C1QTNF2: variants seen among roughly 807,000 people sequenced by gnomAD.
C1QTNF2 encodes the protein complement C1q tumor necrosis factor-related protein 2.
In C1QTNF2, 15 loss-of-function variants were observed where a neutral mutation model predicts 17.4. The observed-to-expected ratio is 0.86, with a 90% CI of 0.58 to 1.33. The LOEUF (loss-of-function observed/expected upper bound fraction) is 1.33. Ranked by LOEUF, C1QTNF2 falls within the 40% of genes most tolerant of loss-of-function variation. C1QTNF2 has a pLI of 0.00. For synonymous variants in C1QTNF2, 154 were observed against 163.3 expected, an observed-to-expected ratio of 0.94 and a Z score of 0.44; for missense variants, 381 against 392.3, an observed-to-expected ratio of 0.97 and a Z score of 0.24.
Position 160,349,592 on chromosome 5 carries a change from C to CT in C1QTNF2, c.433dup (p.Ser145LysfsTer26), listed in dbSNP as rs1420608513. ...CGAGAAAGCTGACTTGGTATGGCCACTGCCACAGCTGCAGGGGCCTGGGAG... is the reference window on the plus strand; with the variant it reads ...CGAGAAAGCTGACTTGGTATGGCCACTTGCCACAGCTGCAGGGGCCTGGGAG... On this transcript the variant is annotated frameshift_variant, in exon 3 of 3. Coordinates refer to ENST00000652664, the MANE Select transcript of C1QTNF2 (RefSeq NM_031908.6). LOFTEE classifies it high-confidence loss of function. The surrounding 1 kb of genome is among the most constrained non-coding windows in gnomAD (Gnocchi z 4.3). The CT allele has an allele frequency of 2.5e-6, 4 of 1,613,612 alleles. No homozygotes were observed. The highest frequency in any genetic ancestry group is 1.3e-5 in the African/African-American group (1 of 74,928).
Position 160,349,854 on chromosome 5 carries a change from C to T in C1QTNF2, c.245-73G>A. On this transcript the variant is annotated intron_variant, in intron 2 of 2. Transcript: ENST00000652664. The surrounding 1 kb of genome is among the most constrained non-coding windows in gnomAD (Gnocchi z 4.3). ...GCAGAGGGGTGCGGTGCGGCTTGGTCTTCCAATCTTGGAGAAGGAGTGCTT... is the reference window on the plus strand; with the variant it reads ...GCAGAGGGGTGCGGTGCGGCTTGGTTTTCCAATCTTGGAGAAGGAGTGCTT... The T allele has an allele frequency of 6.8e-7, 1 of 1,472,676 alleles. No individual in the cohort carries two copies. Among genetic ancestry groups the T allele is most frequent in the Non-Finnish European group, 8.9e-7 (1 of 1,117,594 alleles). The allele number at this position is 1,472,676 out of a possible 1,614,324, so 91.2% of individuals were successfully genotyped here.
chr5:160,351,781 A>G (rs1334219437), intron 2 of C1QTNF2, among the ~76,000 whole-genome samples: 8 of 152,178 alleles, frequency 5.3e-5, no homozygotes, highest in Non-Finnish European at 1.2e-4. Context: ...TATTACTCAT[A>G]TAATTAAAAA....
At chr5:160,361,183 A>G (rs746327013) in intron 1 of C1QTNF2, among the ~76,000 whole-genome samples, 1 of 152,138 alleles carries the variant, frequency 6.6e-6, no homozygotes, top group Non-Finnish European at 1.5e-5. Context: ...ATCAATACAC[A>G]TGTTCTAGAA....
intron 2 of C1QTNF2, among the ~76,000 whole-genome samples, chr5:160,354,321 T>C (rs1349945573): frequency 6.6e-6 from 1 of 152,006 alleles, no homozygotes. Context: ...CCCATGCCTG[T>C]AATCCCAGCA....
intron 2 of C1QTNF2, among the ~76,000 whole-genome samples, 170 bp downstream of exon 2, chr5:160,354,598 G>GTATATA (rs1172776724): frequency 0.052 from 1,564 of 30,358 alleles, 55 homozygotes; most frequent in South Asian, 0.07. Flanking sequence ...AAAAAAAAAA[G>GTATATA]TATATATATA....
At chr5:160,358,625 C>T (rs1249993359) in intron 1 of C1QTNF2, among the ~76,000 whole-genome samples, 2 of 151,916 alleles carry the variant, frequency 1.3e-5, no homozygotes, top group African/African-American at 2.4e-5. Context: ...TGTGCCACCA[C>T]TCTCAGCTAG....
At chr5:160,366,337 G>T (rs140888667) in intron 1 of C1QTNF2, among the ~76,000 whole-genome samples, 1 of 152,286 alleles carries the variant, frequency 6.6e-6, no homozygotes, top group African/African-American at 2.4e-5. Context: ...TATTTAATGA[G>T]ATAATGCAGC....
chr5:160,359,695 G>A (rs1019603923), intron 1 of C1QTNF2, among the ~76,000 whole-genome samples: 14 of 152,200 alleles, frequency 9.2e-5, no homozygotes, highest in African/African-American at 2.9e-4. Context: ...AAGGTGATGA[G>A]AGGCGTGGAG....
chr5:160,355,712 C>G (rs60965415), intron 1 of C1QTNF2, among the ~76,000 whole-genome samples: 5,343 of 152,326 alleles, frequency 0.035, 307 homozygotes, highest in African/African-American at 0.12. Flanking sequence ...CTTTTCCAAC[C>G]CGGGGCCTGT....
intron 1 of C1QTNF2, among the ~76,000 whole-genome samples, chr5:160,362,255 G>T (rs1764167783): frequency 1.3e-5 from 2 of 152,130 alleles, no homozygotes; most frequent in African/African-American, 4.8e-5. Context: ...TTTCACCTAG[G>T]ACCTCTTTAT....
chr5:160,361,555 A>G (rs1764154486), intron 1 of C1QTNF2, among the ~76,000 whole-genome samples: 1 of 152,208 alleles, frequency 6.6e-6, no homozygotes, highest in African/African-American at 2.4e-5. Flanking sequence ...GCCATGGAAC[A>G]CCCAGCACTT....
Position 160,347,834 on chromosome 5 carries a change from A to G in C1QTNF2, c.*1334T>C, listed in dbSNP as rs1173310548. The G allele has an allele frequency of 6.6e-6, 1 of 150,558 alleles. No individual in the cohort carries two copies. The highest frequency in any genetic ancestry group is 1.5e-5 in the Non-Finnish European group (1 of 67,826). 9.3% of individuals were successfully genotyped at this position (150,558 alleles called of 1,614,324 possible). A position where few individuals can be genotyped will look rare whatever the true frequency, so the allele number is the denominator to read the frequency against. On this transcript the variant is annotated 3_prime_UTR_variant, in exon 3 of 3. Coordinates refer to ENST00000652664, the MANE Select transcript of C1QTNF2 (RefSeq NM_031908.6). ...GAGTGCAGTGGCAGGATCTCAGCTA[A>G]CTGCAACCTCCACCTCCTGGGTTCA...
At position 160,349,697 on chromosome 5, in the gene C1QTNF2, G is replaced by A; in HGVS notation, c.329C>T (p.Pro110Leu). The A allele has an allele frequency of 6.3e-7, 1 of 1,595,780 alleles. No individual in the cohort carries two copies. The highest frequency in any genetic ancestry group is 8.5e-7 in the Non-Finnish European group (1 of 1,173,460). ...GAIGRAGPRG[P>L]KGVNGTPGKH... Reference sequence around the variant, plus strand: ...CCCGGGGGTACCGTTGACCCCCTTGGGGCCACGGGGGCCAGCCCGCCCAAT... The same window carrying A: ...CCCGGGGGTACCGTTGACCCCCTTGAGGCCACGGGGGCCAGCCCGCCCAAT... The change falls in exon 3 of 3, where the codon CCC (proline) becomes CTC (leucine). Residue 110 changes from proline to leucine, a missense_variant. Coordinates refer to ENST00000652664, the MANE Select transcript of C1QTNF2 (RefSeq NM_031908.6). This position sits in a 1 kb window ranked among gnomAD's most constrained non-coding sequence, Gnocchi z 4.3.
chr5:160,362,068 T>A (rs1764165086), intron 1 of C1QTNF2, among the ~76,000 whole-genome samples: 1 of 152,158 alleles, frequency 6.6e-6, no homozygotes, highest in Non-Finnish European at 1.5e-5. Flanking sequence ...TAACCTTGAA[T>A]GAACTGGCCG....
At chr5:160,358,206 T>C (rs1764087236) in intron 1 of C1QTNF2, among the ~76,000 whole-genome samples, 1 of 152,206 alleles carries the variant, frequency 6.6e-6, no homozygotes, top group Non-Finnish European at 1.5e-5. Context: ...AGCCAGGAAC[T>C]GTTTTGGAAA....
intron 2 of C1QTNF2, among the ~76,000 whole-genome samples, chr5:160,353,623 T>C (rs1177054687): frequency 2.6e-5 from 4 of 152,044 alleles, no homozygotes. Context: ...AGATTTGCTC[T>C]GTGGATGAAG....
chr5:160,360,213 A>G (rs1041872173), intron 1 of C1QTNF2, among the ~76,000 whole-genome samples: 16 of 152,088 alleles, frequency 1.1e-4, no homozygotes, highest in Admixed American at 1.0e-3. Flanking sequence ...TGCCTCCCCC[A>G]TGTGTCTCCA....
In C1QTNF2 at chr5:160,349,465, G is replaced by A. The variant is rs770425093; in HGVS notation, c.561C>T (p.Phe187=). ...AGTAGATCCCAGGCACGCCGCAGAC[G>A]AACTTGCCGCTGGAAGCATTGTAGT... ...GGHYNASSGK[F]VCGVPGIYYF... is the part of the protein sequence containing the mutation. Residue 187 remains phenylalanine, a synonymous_variant, in exon 3 of 3, where the codon TTC becomes TTT. Coordinates refer to ENST00000652664, the MANE Select transcript of C1QTNF2 (RefSeq NM_031908.6). The surrounding 1 kb of genome is among the most constrained non-coding windows in gnomAD (Gnocchi z 4.3). 1.3e-5 allele frequency: 21 copies of A among 1,613,886 alleles called. No individual in the cohort carries two copies. Among genetic ancestry groups the A allele is most frequent in the Non-Finnish European group, 1.6e-5 (19 of 1,180,022 alleles).
chr5:160,365,740 G>T (rs1764237111), intron 1 of C1QTNF2, among the ~76,000 whole-genome samples: 1 of 152,142 alleles, frequency 6.6e-6, no homozygotes. Context: ...AAATAATACT[G>T]TATGGTCTTA....
Sources: allele counts gnomAD v4.1 joint callset (sites outside exome capture counted in the v4.1 genomes callset), GRCh38; gene constraint gnomAD v4.1.1; non-coding constraint Gnocchi (gnomAD v3.1); transcripts MANE v1.5; gene names NCBI Gene and HGNC (gene_info 2026-07-23, HGNC 2026-07-21).